Variants in HRH1 observed in about 807,000 individuals in gnomAD.
The protein encoded by HRH1 is histamine receptor H1, also known as histamine H1 receptor.
Under a neutral mutation model 10.3 loss-of-function variants are expected in HRH1, and 6 were observed. That is an observed-to-expected ratio of 0.58 (90% CI 0.32 to 1.15). The LOEUF is 1.15. Among genes scored for constraint, HRH1 ranks in the 50% most tolerant of loss-of-function variants. The pLI, the probability that HRH1 is intolerant of heterozygous loss-of-function variation, is 0.05. For synonymous variants in HRH1, 242 were observed against 236.7 expected (o/e 1.02, Z -0.21); for missense variants, 514 against 615.3 (o/e 0.84, Z 1.74).
chr3:11,192,343 G>T (rs1353143819), intron 1 of HRH1, among the ~76,000 whole-genome samples: 3 of 151,740 alleles, frequency 2.0e-5, no homozygotes, highest in Admixed American at 6.6e-5. Context: ...TTTTATGCTG[G>T]TTTTTTTCGC....
At chr3:11,189,146 G>T (rs930631669) in intron 1 of HRH1, among the ~76,000 whole-genome samples, 1 of 152,182 alleles carries the variant, frequency 6.6e-6, no homozygotes, top group African/African-American at 2.4e-5. Flanking sequence ...CAGTAAGGTT[G>T]AGTGGTCTGT....
At chr3:11,138,205 G>C (rs1333792856) in intron 1 of HRH1, among the ~76,000 whole-genome samples, 3 of 90,406 alleles carry the variant, frequency 3.3e-5, no homozygotes, top group Non-Finnish European at 7.0e-5. Flanking sequence ...TGTATTTTTA[G>C]TAGAGACGGG....
At chr3:11,146,016 C>G (rs902557386) in intron 1 of HRH1, among the ~76,000 whole-genome samples, 1 of 152,088 alleles carries the variant, frequency 6.6e-6, no homozygotes, top group Non-Finnish European at 1.5e-5. Flanking sequence ...CAATGCTGTT[C>G]TGATTTATGT....
At chr3:11,139,662 C>T (rs893804020) in intron 1 of HRH1, among the ~76,000 whole-genome samples, 2 of 151,894 alleles carry the variant, frequency 1.3e-5, no homozygotes, top group Non-Finnish European at 2.9e-5. Flanking sequence ...TCACACAATG[C>T]GATATTATCG....
At chr3:11,258,242 CAAAAAAAA>C (rs33992856) in intron 1 of HRH1, among the ~76,000 whole-genome samples, 6 of 76,364 alleles carry the variant, frequency 7.9e-5, no homozygotes, top group African/African-American at 2.8e-4. Flanking sequence ...TGATGTAAGC[CAAAAAAAA>C]AAAAAAAAAA....
intron 1 of HRH1, chr3:11,234,639 A>G (rs1939128250): frequency 1.4e-6 from 2 of 1,379,316 alleles, no homozygotes; most frequent in Non-Finnish European, 2.1e-6. Context: ...CTTTGGTTAT[A>G]AATATGATTC....
intron 1 of HRH1, among the ~76,000 whole-genome samples, chr3:11,227,018 G>A (rs1365228131): frequency 6.6e-6 from 1 of 152,206 alleles, no homozygotes; most frequent in Non-Finnish European, 1.5e-5. Flanking sequence ...GTTTTGAGTA[G>A]GGGAACTGGA....
chr3:11,145,102 G>A (rs1936407590), intron 1 of HRH1, among the ~76,000 whole-genome samples: 1 of 152,018 alleles, frequency 6.6e-6, no homozygotes, highest in African/African-American at 2.4e-5. Flanking sequence ...TACCCCATCT[G>A]TGGATTACTG....
chr3:11,258,987 C>T lies in HRH1; in HGVS notation c.-35-16C>T, dbSNP rs1173431843. 3.9e-6 allele frequency: 6 copies of T among 1,527,690 alleles called. No individual in the cohort carries two copies. In the South Asian group the frequency reaches 6.5e-5, roughly 17 times the overall value. The allele number at this position is 1,527,690 out of a possible 1,614,324, so 94.6% of individuals were successfully genotyped here. ...ACCCAAGTCTCTGACCTTACTTTTT[C>T]TCTCTTTTCTCCCAGGGAGTGAGCC... is the stretch of plus-strand genomic sequence containing the variant. On this transcript the variant is annotated splice_polypyrimidine_tract_variant and intron_variant, in intron 1 of 1. Coordinates refer to ENST00000431010, the MANE Select transcript of HRH1 (RefSeq NM_001098212.2).
At chr3:11,204,832 C>T (rs1938058208) in intron 1 of HRH1, among the ~76,000 whole-genome samples, 1 of 152,198 alleles carries the variant, frequency 6.6e-6, no homozygotes, top group Non-Finnish European at 1.5e-5. Context: ...ATGGTCTCCT[C>T]AGTTCAGGAG....
At chr3:11,175,007 G>T (rs1173361367) in intron 1 of HRH1, among the ~76,000 whole-genome samples, 1 of 152,126 alleles carries the variant, frequency 6.6e-6, no homozygotes, top group Admixed American at 6.5e-5. Flanking sequence ...TGGTTCATGT[G>T]GACTAGGACC....
At chr3:11,223,046 A>G (rs55854132) in intron 1 of HRH1, among the ~76,000 whole-genome samples, 84,283 of 151,562 alleles carry the variant, frequency 0.56, 25,998 homozygotes, top group African/African-American at 0.81. Context: ...TTAGCTGGGC[A>G]TGGTGGCGCG....
intron 1 of HRH1, among the ~76,000 whole-genome samples, chr3:11,253,582 G>C (rs1939706895): frequency 6.6e-6 from 1 of 152,020 alleles, no homozygotes; most frequent in Non-Finnish European, 1.5e-5. Flanking sequence ...TATATTAAAG[G>C]CCTTGGTAAG....
chr3:11,149,941 T>C (rs1026662901), upstream of HRH1, among the ~76,000 whole-genome samples: 11 of 152,222 alleles, frequency 7.2e-5, no homozygotes, highest in Middle Eastern at 3.2e-3. Flanking sequence ...TCCAGTCTCC[T>C]GATCTAGCCT....
chr3:11,159,662 C>T (rs1936886951), intron 1 of HRH1, among the ~76,000 whole-genome samples: 1 of 152,198 alleles, frequency 6.6e-6, no homozygotes, highest in Non-Finnish European at 1.5e-5. Context: ...TTTCGTTTCT[C>T]ATGCTTACTT....
intron 1 of HRH1, among the ~76,000 whole-genome samples, chr3:11,258,392 C>T (rs935484960): frequency 2.0e-5 from 3 of 152,154 alleles, no homozygotes; most frequent in African/African-American, 7.2e-5. Context: ...TCTTGGCCTT[C>T]CCGATGGTCC....
Position 11,260,148 on chromosome 3 carries a change from C to G in HRH1, c.1111C>G (p.Pro371Ala), listed in dbSNP as rs781053918. Residue 371 changes from proline to alanine, a missense_variant, in exon 2 of 2, where the codon CCA becomes GCA. Pro to Ala is a conservative substitution (Grantham distance 27). Transcript: ENST00000431010. ...TDSDTTTETA[P>A]GKGKLRSGSN... ...CTCAGATACCACCACAGAGACAGCA[C>G]CAGGCAAAGGCAAATTGAGGAGTGG... is the stretch of plus-strand genomic sequence containing the variant. The G allele has an allele frequency of 1.9e-6, 3 of 1,613,938 alleles. No homozygotes were observed. The highest frequency in any genetic ancestry group is 2.5e-6 in the Non-Finnish European group (3 of 1,180,034).
intron 1 of HRH1, among the ~76,000 whole-genome samples, chr3:11,163,254 C>A (rs1936961800): frequency 6.6e-6 from 1 of 152,164 alleles, no homozygotes. Context: ...TCCAGGCAGC[C>A]CCCTTCTATC....
intron 1 of HRH1, among the ~76,000 whole-genome samples, chr3:11,163,810 A>G (rs1324953332): frequency 6.6e-6 from 1 of 152,068 alleles, no homozygotes; most frequent in African/African-American, 2.4e-5. Context: ...CTCATTCTTC[A>G]GGACTCAGAG....
Sources: gnomAD v4.1 joint callset for allele counts (sites outside exome capture counted in the v4.1 genomes callset) on GRCh38, gnomAD v4.1.1 for gene constraint, MANE v1.5 for transcripts, NCBI Gene and HGNC (gene_info 2026-07-23, HGNC 2026-07-21) for gene names.